ZC3H12B: variants seen among roughly 807,000 people sequenced by gnomAD.
ZC3H12B encodes the protein zinc finger CCCH-type containing 12B.
Under a neutral mutation model 43.9 loss-of-function variants are expected in ZC3H12B, and 7 were observed. The observed-to-expected ratio is 0.16, with a 90% confidence interval of 0.09 to 0.30. ZC3H12B has a LOEUF of 0.30. Among genes scored for constraint, ZC3H12B ranks in the 10% least tolerant of loss-of-function variants. The pLI, the probability that ZC3H12B is intolerant of heterozygous loss-of-function variation, is 1.00. For missense variants in ZC3H12B, 475 were observed against 670.2 expected (o/e 0.71, Z 3.22); for synonymous variants, 222 against 241.7 (o/e 0.92, Z 0.76).
At chrX:65,146,312 G>T in the ZC3H12B span, among the ~76,000 whole-genome samples, 1 of 111,786 alleles carries the variant, frequency 8.9e-6, no homozygotes, top group African/African-American at 3.2e-5. Flanking sequence ...TTCTATGTGT[G>T]TCCATTGTTT....
exon 5 of ZC3H12B, chrX:65,502,670 C>T: frequency 8.3e-7 from 1 of 1,209,890 alleles, no homozygotes; most frequent in South Asian, 1.8e-5. Context: ...GTCAGTCCCC[C>T]ACTTAGCTCT....
At chrX:65,472,976 G>GTATA (rs1233764716) in intron 3 of ZC3H12B, among the ~76,000 whole-genome samples, 1,425 of 73,440 alleles carry the variant, frequency 0.019, 17 homozygotes, top group Middle Eastern at 0.065. Context: ...GTATGTGTGT[G>GTATA]TATATATATA....
chrX:65,260,812 G>A, the ZC3H12B span, among the ~76,000 whole-genome samples: 1 of 111,803 alleles, frequency 8.9e-6, no homozygotes, highest in Admixed American at 9.5e-5. Context: ...CAGAGGCTGG[G>A]ATAAATTCAC....
chrX:65,451,824 C>T (rs976526146), intron 3 of ZC3H12B, among the ~76,000 whole-genome samples: 11 of 111,781 alleles, frequency 9.8e-5, no homozygotes, highest in African/African-American at 3.6e-4. Flanking sequence ...TGAATCTTGC[C>T]AGTTTCTTTT....
chrX:65,165,176 C>T, the ZC3H12B span, among the ~76,000 whole-genome samples: 1 of 112,181 alleles, frequency 8.9e-6, no homozygotes, highest in Non-Finnish European at 1.9e-5. Context: ...GTTATTATTT[C>T]AGTGAATTTA....
the ZC3H12B span, among the ~76,000 whole-genome samples, chrX:65,339,035 C>T: frequency 0.083 from 9,216 of 111,676 alleles, 1,028 homozygotes; most frequent in African/African-American, 0.29. Flanking sequence ...AAGAAATAAA[C>T]GGCTTCCAAA....
At chrX:65,505,259 G>A (rs2068414135) in exon 5 of ZC3H12B, 1 of 112,331 alleles carries the variant, frequency 8.9e-6, no homozygotes, top group Non-Finnish European at 1.9e-5. Flanking sequence ...TTCTTCATGA[G>A]AAGGTGTGAC....
chrX:65,311,333 G>T, the ZC3H12B span, among the ~76,000 whole-genome samples: 1 of 111,844 alleles, frequency 8.9e-6, no homozygotes. Context: ...GTGGGCAAAG[G>T]ATATGAACAG....
chrX:65,050,708 T>C, the ZC3H12B span, among the ~76,000 whole-genome samples: 1 of 111,826 alleles, frequency 8.9e-6, no homozygotes, highest in African/African-American at 3.2e-5. Flanking sequence ...ACTTTCTTAA[T>C]GTGATGTATC....
intron 3 of ZC3H12B, among the ~76,000 whole-genome samples, chrX:65,415,183 A>G (rs898232719): frequency 1.8e-5 from 2 of 112,708 alleles, no homozygotes; most frequent in Admixed American, 9.4e-5. Context: ...TAGAATCAAT[A>G]AAAAGGAATG....
chrX:65,373,947 T>TTATATATATATAG (rs757776386), intron 2 of ZC3H12B, among the ~76,000 whole-genome samples: 1 of 45,800 alleles, frequency 2.2e-5, no homozygotes, highest in Non-Finnish European at 3.0e-5. Context: ...ATATATATAG[T>TTATATATATATAG]TATATATATA....
chrX:65,294,384 A>G, the ZC3H12B span, among the ~76,000 whole-genome samples: 1 of 111,917 alleles, frequency 8.9e-6, no homozygotes, highest in African/African-American at 3.2e-5. Flanking sequence ...TCCTTGAAAT[A>G]CATCAAAATA....
At chrX:65,254,753 G>A in the ZC3H12B span, among the ~76,000 whole-genome samples, 18 of 111,496 alleles carry the variant, frequency 1.6e-4, no homozygotes, top group African/African-American at 2.6e-4. Flanking sequence ...ATATGGATAG[G>A]AATGAAGATC....
Position 65,389,978 on chromosome X carries a change from T to C in ZC3H12B, n.296-8615T>C, listed in dbSNP as rs141959206. On this transcript the variant is annotated intron_variant and non_coding_transcript_variant, in intron 2 of 5. Coordinates refer to the ZC3H12B transcript ENST00000617377. ...CACACGTATGTTTATTGTGGCACTA[T>C]TCACAATAGCAAAGACTTGGAACCA... Among the ~76,000 whole-genome samples the C allele has an allele frequency of 3.5e-3, 393 of 112,194 alleles. 3 individuals are homozygous for C. Among genetic ancestry groups the C allele is most frequent in the African/African-American group, 0.012 (370 of 30,882 alleles).
Position 65,398,777 on chromosome X carries a change from G to A in ZC3H12B, n.407+73G>A, listed in dbSNP as rs746386484. On this transcript the variant is annotated intron_variant and non_coding_transcript_variant, in intron 3 of 5. Transcript: ENST00000617377. Reference sequence around the variant, plus strand: ...TAGTTCTCTATAGCAGCATGAAAATGTACTAATACTTATAGTAACCAAAAT... The same window carrying A: ...TAGTTCTCTATAGCAGCATGAAAATATACTAATACTTATAGTAACCAAAAT... 3.6e-5 allele frequency: 4 copies of A among 111,698 alleles called. No homozygotes were observed. The South Asian group carries it at 1.5e-3, about 42-fold the overall frequency. 9.2% of individuals were successfully genotyped at this position (111,698 alleles called of 1,213,427 possible).
At chrX:65,105,184 A>T in the ZC3H12B span, among the ~76,000 whole-genome samples, 1 of 110,170 alleles carries the variant, frequency 9.1e-6, no homozygotes, top group African/African-American at 3.3e-5. Context: ...ATTTTTACTC[A>T]TAGGTGGGAG....
chrX:65,334,421 C>A, the ZC3H12B span, among the ~76,000 whole-genome samples: 1 of 112,153 alleles, frequency 8.9e-6, no homozygotes, highest in African/African-American at 3.2e-5. Context: ...CATTCCCATA[C>A]CTTCTTATAA....
At chrX:65,478,523 T>C (rs751123911) in intron 3 of ZC3H12B, among the ~76,000 whole-genome samples, 2 of 112,836 alleles carry the variant, frequency 1.8e-5, no homozygotes, top group Non-Finnish European at 3.7e-5. Context: ...TTTAGAGACC[T>C]GTGAAGTAAT....
chrX:65,196,296 C>T, the ZC3H12B span, among the ~76,000 whole-genome samples: 1 of 109,786 alleles, frequency 9.1e-6, no homozygotes, highest in Non-Finnish European at 1.9e-5. Context: ...ATGAAGGAAG[C>T]GTGAAGGAAA....
Sources: allele counts gnomAD v4.1 joint callset (sites outside exome capture counted in the v4.1 genomes callset), GRCh38; gene constraint gnomAD v4.1.1; transcripts MANE v1.5; gene names NCBI Gene and HGNC (gene_info 2026-07-23, HGNC 2026-07-21).